MAP4K4: variants seen among roughly 807,000 people sequenced by gnomAD.
MAP4K4 encodes mitogen-activated protein kinase kinase kinase kinase 4, also known as HPK/GCK-like kinase HGK.
Under a neutral mutation model 189.6 loss-of-function variants are expected in MAP4K4, and 38 were observed. That is an observed-to-expected ratio of 0.20 (90% CI 0.15 to 0.26). The LOEUF is 0.26. Among genes scored for constraint, MAP4K4 ranks in the 10% least tolerant of loss-of-function variants. The pLI is 1.00. For missense variants in MAP4K4, 1,054 were observed against 1,726.9 expected (o/e 0.61, Z 6.91); for synonymous variants, 610 against 624.3 (o/e 0.98, Z 0.34).
chr2:101,887,588 G>C (rs2098506308), intron 30 of MAP4K4, among the ~76,000 whole-genome samples, 190 bp from the exon 31 acceptor site: 1 of 152,208 alleles, frequency 6.6e-6, no homozygotes, highest in Non-Finnish European at 1.5e-5. Flanking sequence ...TGAGTCAGTA[G>C]AGTATATTAC....
intron 2 of MAP4K4, among the ~76,000 whole-genome samples, chr2:101,739,388 T>C (rs2061688137): frequency 7.1e-6 from 1 of 141,196 alleles, no homozygotes; most frequent in Non-Finnish European, 1.6e-5. Flanking sequence ...CTAAAGTCTT[T>C]TTTTTCCCTA....
intron 3 of MAP4K4, among the ~76,000 whole-genome samples, chr2:101,807,593 C>T (rs1455446401): frequency 6.6e-6 from 1 of 152,112 alleles, no homozygotes; most frequent in East Asian, 1.9e-4. Context: ...AAAGAAATAC[C>T]TGAGACTGGG....
At chr2:101,714,400 T>G (rs754694107) in intron 2 of MAP4K4, among the ~76,000 whole-genome samples, 1 of 152,194 alleles carries the variant, frequency 6.6e-6, no homozygotes, top group Non-Finnish European at 1.5e-5. Flanking sequence ...ATGCAACATA[T>G]TTATATAGTT....
intron 6 of MAP4K4, chr2:101,829,812 G>GC: frequency 2.2e-6 from 1 of 452,056 alleles, no homozygotes; most frequent in Non-Finnish European, 4.1e-6. Context: ...CTATACAGCA[G>GC]CCAGACTGAT....
Position 101,866,587 on chromosome 2 carries a change from GCCTTTCCTTT to G in MAP4K4, c.2356+14_2356+23del, listed in dbSNP as rs1329526993. On this transcript the variant is annotated intron_variant, in intron 19 of 32. Coordinates refer to ENST00000324219, the Ensembl canonical transcript of MAP4K4. ...AACGCTTCAGAGTGAGATGTAAGCT[GCCTTTCCTTT>G]CCTTTTTCCCTGCTAATGTTTTGAG... The G allele has an allele frequency of 6.2e-7, 1 of 1,608,294 alleles. No homozygotes were observed. Among genetic ancestry groups the G allele is most frequent in the South Asian group, 1.1e-5 (1 of 90,852 alleles).
chr2:101,830,437 T>C, intron 6 of MAP4K4, among the ~76,000 whole-genome samples: 1 of 152,230 alleles, frequency 6.6e-6, no homozygotes, highest in Non-Finnish European at 1.5e-5. Context: ...CTAAGTGTTG[T>C]ATCAAAATTT....
At chr2:101,771,159 A>T (rs899572736) in intron 2 of MAP4K4, among the ~76,000 whole-genome samples, 2 of 152,320 alleles carry the variant, frequency 1.3e-5, no homozygotes, top group Admixed American at 6.5e-5. Flanking sequence ...TCCTGCTCTC[A>T]GCCTGTCCTA....
chr2:101,699,159 T>G (rs1280589955), intron 2 of MAP4K4, among the ~76,000 whole-genome samples: 1 of 152,170 alleles, frequency 6.6e-6, no homozygotes, highest in Non-Finnish European at 1.5e-5. Context: ...GAATAACCTG[T>G]TTGACAGCTG....
At chr2:101,807,880 G>A (rs1258535232) in intron 3 of MAP4K4, among the ~76,000 whole-genome samples, 1 of 152,214 alleles carries the variant, frequency 6.6e-6, no homozygotes, top group African/African-American at 2.4e-5. Flanking sequence ...CCTCACTGTC[G>A]CAAGGGCGGT....
rs2097931142 is a variant in MAP4K4 at position 101,869,907 on chromosome 2, T to C, written c.2639+110T>C. 3 of 1,379,192 alleles carry C rather than the reference T, an allele frequency of 2.2e-6. No homozygotes were observed. The Admixed American group carries it at 9.1e-5, about 42-fold the overall frequency. 85.4% of individuals were successfully genotyped at this position (1,379,192 alleles called of 1,614,324 possible). A position where few individuals can be genotyped will look rare whatever the true frequency, so the allele number is the denominator to read the frequency against. On this transcript the variant is annotated intron_variant, in intron 22 of 32. Coordinates refer to ENST00000324219, the Ensembl canonical transcript of MAP4K4. Reference sequence around the variant, plus strand: ...TCCGTGACCCCATGAGCACTTACTATGTAGTTCTCGTGGATTCAGCAGCAG... The same window carrying C: ...TCCGTGACCCCATGAGCACTTACTACGTAGTTCTCGTGGATTCAGCAGCAG...
chr2:101,883,445 C>T (rs1346643291), intron 28 of MAP4K4, among the ~76,000 whole-genome samples: 2 of 152,154 alleles, frequency 1.3e-5, no homozygotes, highest in Non-Finnish European at 2.9e-5. Flanking sequence ...AATTCTCCTG[C>T]CTCAGCCTCC....
At chr2:101,819,523 T>C (rs1375984039) in intron 3 of MAP4K4, among the ~76,000 whole-genome samples, 1 of 152,244 alleles carries the variant, frequency 6.6e-6, no homozygotes, top group African/African-American at 2.4e-5. Flanking sequence ...TCGTCTATTT[T>C]AAAATCATAA....
intron 9 of MAP4K4, among the ~76,000 whole-genome samples, chr2:101,836,319 C>A (rs183961428): frequency 6.6e-6 from 1 of 152,148 alleles, no homozygotes; most frequent in African/African-American, 2.4e-5. Context: ...CGCGGTGGCT[C>A]GCACCTGTAA....
intron 2 of MAP4K4, among the ~76,000 whole-genome samples, chr2:101,765,988 A>G (rs1275070433): frequency 6.6e-6 from 1 of 152,174 alleles, no homozygotes; most frequent in Non-Finnish European, 1.5e-5. Flanking sequence ...TTAAATGGAA[A>G]TTTAAAAAGG....
chr2:101,869,510 A>T, intron 21 of MAP4K4, 112 bp from the exon 22 acceptor site: 1 of 792,654 alleles, frequency 1.3e-6, no homozygotes, highest in Middle Eastern at 2.3e-4. Context: ...CTGGGTAACT[A>T]TAAAAGTCTT....
intron 2 of MAP4K4, among the ~76,000 whole-genome samples, chr2:101,711,600 C>T (rs2045584193): frequency 1.3e-5 from 2 of 152,086 alleles, no homozygotes; most frequent in South Asian, 4.1e-4. Flanking sequence ...TTTTTCTAAT[C>T]CGATTAGGTA....
At chr2:101,785,795 T>TC (rs1227810168) in intron 2 of MAP4K4, among the ~76,000 whole-genome samples, 1 of 15,882 alleles carries the variant, frequency 6.3e-5, no homozygotes, top group Non-Finnish European at 9.9e-5. Context: ...TCTCTCTCTC[T>TC]TCTTTCTTTC....
At chr2:101,792,132 A>G (rs1381525223) in intron 3 of MAP4K4, among the ~76,000 whole-genome samples, 2 of 152,178 alleles carry the variant, frequency 1.3e-5, no homozygotes, top group South Asian at 4.1e-4. Flanking sequence ...CTATTTATGA[A>G]GTACCCTCTT....
chr2:101,857,847 A>G (rs2097526256), intron 13 of MAP4K4, among the ~76,000 whole-genome samples: 1 of 152,210 alleles, frequency 6.6e-6, no homozygotes, highest in Non-Finnish European at 1.5e-5. Flanking sequence ...TGTTCAGCCC[A>G]TATTGATGGC....
Sources: gnomAD v4.1 joint callset for allele counts (sites outside exome capture counted in the v4.1 genomes callset) on GRCh38, gnomAD v4.1.1 for gene constraint, MANE v1.5 for transcripts, NCBI Gene and HGNC (gene_info 2026-07-23, HGNC 2026-07-21) for gene names.